CCNY: variants seen among roughly 807,000 people sequenced by gnomAD.
The protein encoded by CCNY is cyclin Y, also known as cyclin-Y.
In CCNY, 19 loss-of-function variants were observed where a neutral mutation model predicts 42.8. The ratio of observed to expected loss-of-function variants is 0.44; its 90% CI spans 0.31 to 0.65. The LOEUF is 0.65. CCNY is among the 30% of genes least tolerant of loss of function. The probability of loss-of-function intolerance (pLI) is 0.07; values close to 1 mark genes in which losing one functional copy is unlikely to be tolerated. For missense variants in CCNY, 370 were observed against 437.3 expected (o/e 0.85, Z 1.37); for synonymous variants, 165 against 162.7 (o/e 1.01, Z -0.11).
In CCNY at chr10:35,336,571, C is replaced by A. The variant is rs2135111285; in HGVS notation, c.-483C>A. ...CCGGGGGCTGCGCCCACGCCCGCTG[C>A]CCGCCCGCTCGTCGGCTAGTCCCGC... On this transcript the variant is annotated 5_prime_UTR_variant, in exon 1 of 10. Coordinates refer to ENST00000374704, the MANE Select transcript of CCNY (RefSeq NM_145012.6). Among the ~76,000 whole-genome samples, 1 of 148,916 alleles carries A rather than the reference C, an allele frequency of 6.7e-6. No individual in the cohort carries two copies. Among genetic ancestry groups the A allele is most frequent in the East Asian group, 2.0e-4 (1 of 5,124 alleles).
intron 3 of CCNY, among the ~76,000 whole-genome samples, chr10:35,262,350 T>TTTATC: frequency 6.7e-6 from 1 of 148,542 alleles, no homozygotes; most frequent in Non-Finnish European, 1.5e-5. Context: ...TTTATTTTAT[T>TTTATC]TTATTTTATT....
intron 3 of CCNY, among the ~76,000 whole-genome samples, chr10:35,309,422 G>GT (rs1723948372): frequency 6.6e-6 from 1 of 151,986 alleles, no homozygotes; most frequent in East Asian, 1.9e-4. Flanking sequence ...AGAGCAGTGG[G>GT]TTTTTTGTTT....
chr10:35,277,851 C>T (rs1835256796), intron 3 of CCNY, among the ~76,000 whole-genome samples: 1 of 152,090 alleles, frequency 6.6e-6, no homozygotes, highest in South Asian at 2.1e-4. Context: ...TGGGCCTGTG[C>T]ACCCCAATTG....
chr10:35,500,894 A>C (rs1182547396), intron 2 of CCNY, among the ~76,000 whole-genome samples: 1 of 151,928 alleles, frequency 6.6e-6, no homozygotes, highest in Non-Finnish European at 1.5e-5. Context: ...CTGTTAGAGC[A>C]GTATCAATTA....
intron 2 of CCNY, among the ~76,000 whole-genome samples, chr10:35,249,622 A>C (rs1215871005): frequency 6.6e-6 from 1 of 152,246 alleles, no homozygotes; most frequent in Non-Finnish European, 1.5e-5. Context: ...TGTTCTGCAG[A>C]AAGTGTGGTT....
At chr10:35,500,642 G>C (rs942044684) in intron 2 of CCNY, among the ~76,000 whole-genome samples, 3 of 152,198 alleles carry the variant, frequency 2.0e-5, no homozygotes, top group Non-Finnish European at 4.4e-5. Context: ...GAATAAATGT[G>C]TTGATGGATT....
At chr10:35,499,897 A>G (rs1046232455) in intron 2 of CCNY, among the ~76,000 whole-genome samples, 1 of 152,238 alleles carries the variant, frequency 6.6e-6, no homozygotes, top group Non-Finnish European at 1.5e-5. Context: ...ATAATAGTTT[A>G]GTATGAATTA....
At chr10:35,504,013 G>A (rs998892067) in intron 3 of CCNY, among the ~76,000 whole-genome samples, 1 of 152,108 alleles carries the variant, frequency 6.6e-6, no homozygotes, top group Non-Finnish European at 1.5e-5. Flanking sequence ...ACTGAACTCT[G>A]GAGTGATAGT....
At chr10:35,438,317 T>A (rs1016880288) in intron 1 of CCNY, among the ~76,000 whole-genome samples, 7 of 134,664 alleles carry the variant, frequency 5.2e-5, no homozygotes, top group Non-Finnish European at 1.2e-4. Flanking sequence ...CCTGACTAAT[T>A]AAAAAAAAAA....
rs1281007774 is a variant in CCNY at position 35,549,237 on chromosome 10, T to C, written c.580-3782T>C. 2.6e-5 allele frequency among the ~76,000 whole-genome samples: 4 copies of C among 152,162 alleles called. No individual in the cohort carries two copies. The East Asian group carries it at 7.7e-4, about 29-fold the overall frequency. ...CTGGCAAAATAAGCCACAAGGAAGC[T>C]TCTGGTTGCTTTGGGGAGCATTAGA... is the stretch of plus-strand genomic sequence containing the variant. On this transcript the variant is annotated intron_variant, in intron 7 of 9. Transcript: ENST00000374704.
At chr10:35,381,112 C>G (rs1231590808) in intron 1 of CCNY, among the ~76,000 whole-genome samples, 1 of 152,150 alleles carries the variant, frequency 6.6e-6, no homozygotes, top group African/African-American at 2.4e-5. Context: ...CCTGTAAAGT[C>G]TAAATGTCTA....
At chr10:35,247,744 T>C (rs929905190) in intron 1 of CCNY, among the ~76,000 whole-genome samples, 5 of 148,142 alleles carry the variant, frequency 3.4e-5, no homozygotes, top group Middle Eastern at 3.5e-3. Flanking sequence ...GGCGTGGTGG[T>C]GGGTGCCTGT....
intron 1 of CCNY, among the ~76,000 whole-genome samples, chr10:35,346,084 T>C (rs1249768861): frequency 6.6e-6 from 1 of 152,218 alleles, no homozygotes; most frequent in Non-Finnish European, 1.5e-5. Context: ...AATAGGATTT[T>C]GAGGCATGCA....
rs189284004 is a variant in CCNY at position 35,521,455 on chromosome 10, T to A, written c.366-4509T>A. Among the ~76,000 whole-genome samples the A allele has an allele frequency of 1.1e-4, 17 of 152,304 alleles. No individual in the cohort carries two copies. The East Asian group carries it at 3.3e-3, about 29-fold the overall frequency. On this transcript the variant is annotated intron_variant, in intron 4 of 9. Coordinates refer to ENST00000374704, the MANE Select transcript of CCNY (RefSeq NM_145012.6). ...TAACTCTGTGGCTCGCCAGGGTTAA[T>A]TGATCTGGTTAGCCACTCTGGGCAG...
chr10:35,297,352 C>T (rs1167619692), intron 3 of CCNY, among the ~76,000 whole-genome samples: 2 of 152,026 alleles, frequency 1.3e-5, no homozygotes, highest in Admixed American at 6.6e-5. Flanking sequence ...AAGGAATATA[C>T]GTCAAAATAA....
intron 3 of CCNY, among the ~76,000 whole-genome samples, chr10:35,280,678 T>C (rs12242002): frequency 0.42 from 64,231 of 151,980 alleles, 14,422 homozygotes; most frequent in African/African-American, 0.57. Flanking sequence ...AAATAATGAC[T>C]CTGGATTTAG....
At chr10:35,469,647 CAG>C (rs775699523) in intron 1 of CCNY, among the ~76,000 whole-genome samples, 180 of 142,434 alleles carry the variant, frequency 1.3e-3, no homozygotes, top group Non-Finnish European at 2.0e-3. Flanking sequence ...GAGAGTCAGA[CAG>C]GGCAATGGAG....
At chr10:35,421,486 A>G (rs1004250183) in intron 1 of CCNY, among the ~76,000 whole-genome samples, 3 of 152,352 alleles carry the variant, frequency 2.0e-5, no homozygotes, top group Non-Finnish European at 2.9e-5. Flanking sequence ...CCCAGGGAAC[A>G]CAGAGCTTGC....
intron 1 of CCNY, among the ~76,000 whole-genome samples, chr10:35,465,403 TCTC>T (rs987898290): frequency 3.9e-5 from 6 of 152,144 alleles, no homozygotes; most frequent in African/African-American, 1.4e-4. Context: ...ATTTTTCTCT[TCTC>T]CTTTCTCTGA....
Sources: gnomAD v4.1 joint callset for allele counts (sites outside exome capture counted in the v4.1 genomes callset) on GRCh38, gnomAD v4.1.1 for gene constraint, MANE v1.5 for transcripts, NCBI Gene and HGNC (gene_info 2026-07-23, HGNC 2026-07-21) for gene names.